Variants in ERG observed in about 807,000 individuals in gnomAD.
ERG encodes the protein transcriptional regulator ERG.
A neutral mutation model predicts 55.3 loss-of-function variants in ERG; 9 were observed. That is an observed-to-expected ratio of 0.16 (90% CI 0.10 to 0.28). ERG has a LOEUF of 0.28. Among genes scored for constraint, ERG ranks in the 10% least tolerant of loss-of-function variants. ERG has a pLI of 1.00. For synonymous variants in ERG, 223 were observed against 237.3 expected (o/e 0.94, Z 0.55); for missense variants, 434 against 631.6 (o/e 0.69, Z 3.35).
rs2105493 is a variant in ERG at position 38,457,899 on chromosome 21, G to A, written c.19-12278C>T. Among the ~76,000 whole-genome samples the A allele has an allele frequency of 3.7e-3, 561 of 152,308 alleles. 8 individuals carry two copies. Among genetic ancestry groups the A allele is most frequent in the Admixed American group, 0.024 (362 of 15,294 alleles). ...TACGCCTACTTCAAAGAGCAACTTA[G>A]CTAAAGGGAAAGAGAATTTGCACTT... On this transcript the variant is annotated intron_variant, in intron 1 of 9. Coordinates refer to ENST00000288319, the MANE Select transcript of ERG (RefSeq NM_182918.4).
intron 2 of ERG, among the ~76,000 whole-genome samples, chr21:38,568,592 T>G (rs570861721): frequency 6.6e-6 from 1 of 152,056 alleles, no homozygotes; most frequent in African/African-American, 2.4e-5. Flanking sequence ...GTAAGCTGGG[T>G]TTTTAGTCCT....
At chr21:38,415,336 GACA>G (rs771991824) in intron 3 of ERG, among the ~76,000 whole-genome samples, 2 of 152,200 alleles carry the variant, frequency 1.3e-5, no homozygotes, top group Non-Finnish European at 2.9e-5. Context: ...CCAAGTGCCT[GACA>G]ACAGTGCATA....
intron 2 of ERG, among the ~76,000 whole-genome samples, chr21:38,433,914 AT>A (rs1990341462): frequency 1.3e-5 from 2 of 151,932 alleles, no homozygotes; most frequent in South Asian, 4.2e-4. Context: ...CTCCTTCCTA[AT>A]CCTCTGAATT....
At chr21:38,418,084 C>T (rs972452831) in intron 3 of ERG, among the ~76,000 whole-genome samples, 1 of 152,046 alleles carries the variant, frequency 6.6e-6, no homozygotes. Flanking sequence ...TTTTTGTCTA[C>T]TTGCCTTTTC....
intron 1 of ERG, among the ~76,000 whole-genome samples, chr21:38,628,812 T>A (rs1287606077): frequency 6.6e-6 from 1 of 152,204 alleles, no homozygotes; most frequent in Non-Finnish European, 1.5e-5. Flanking sequence ...AGACTAAATC[T>A]TCACACCATT....
intron 1 of ERG, among the ~76,000 whole-genome samples, chr21:38,609,074 T>C (rs977681912): frequency 6.6e-6 from 1 of 152,156 alleles, no homozygotes; most frequent in African/African-American, 2.4e-5. Context: ...CTACAATCCA[T>C]GTAAGAGATT....
intron 2 of ERG, among the ~76,000 whole-genome samples, chr21:38,571,551 T>A (rs960276105): frequency 2.0e-5 from 3 of 151,774 alleles, no homozygotes; most frequent in African/African-American, 2.4e-5. Flanking sequence ...AAAAAATTTT[T>A]AAAAAAGGTA....
intron 1 of ERG, among the ~76,000 whole-genome samples, chr21:38,592,820 C>T (rs2060108987): frequency 6.6e-6 from 1 of 152,172 alleles, no homozygotes; most frequent in Admixed American, 6.5e-5. Context: ...TTGGCCATGA[C>T]CGCATACTTC....
intron 1 of ERG, among the ~76,000 whole-genome samples, chr21:38,601,361 G>A (rs569406592): frequency 3.3e-5 from 5 of 152,092 alleles, no homozygotes; most frequent in African/African-American, 1.2e-4. Context: ...GGTGGCAAAG[G>A]CAATGTGGTG....
intron 2 of ERG, among the ~76,000 whole-genome samples, chr21:38,511,381 G>A (rs2059510306): frequency 6.6e-6 from 1 of 152,148 alleles, no homozygotes; most frequent in Admixed American, 6.5e-5. Flanking sequence ...ACAAAGCTAG[G>A]CATTGATTGA....
At chr21:38,538,799 C>T (rs2059730214) in intron 2 of ERG, among the ~76,000 whole-genome samples, 1 of 152,028 alleles carries the variant, frequency 6.6e-6, no homozygotes, top group Admixed American at 6.6e-5. Context: ...TGTTCAAGCT[C>T]CATGGTTGAC....
intron 1 of ERG, among the ~76,000 whole-genome samples, chr21:38,461,646 T>C (rs4817947): frequency 0.8 from 122,171 of 152,176 alleles, 49,283 homozygotes; most frequent in Admixed American, 0.84. Flanking sequence ...AGGGCAGGCA[T>C]AAGCAGATCT....
chr21:38,380,155 C>T lies in ERG; in HGVS notation c.*3248G>A. 9.6e-7 allele frequency: 1 copy of T among 1,042,878 alleles called. No homozygotes were observed. The highest frequency in any genetic ancestry group is 1.2e-6 in the Non-Finnish European group (1 of 865,310). 64.6% of individuals were successfully genotyped at this position (1,042,878 alleles called of 1,614,324 possible). On this transcript the variant is annotated 3_prime_UTR_variant, in exon 10 of 10. Coordinates refer to ENST00000288319, the MANE Select transcript of ERG (RefSeq NM_182918.4). ...TAAAAAATATTTTCTTCTCTTTCTC[C>T]AGGCAATGGGTCACTTTGGGGCGCT...
intron 2 of ERG, among the ~76,000 whole-genome samples, chr21:38,530,993 C>T (rs376066649): frequency 1.4e-4 from 22 of 152,282 alleles, no homozygotes; most frequent in East Asian, 1.4e-3. Flanking sequence ...ATGACTGGGC[C>T]TGTAGACACA....
At chr21:38,491,963 CTGCCTATGGGA>C (rs2059340030) in intron 1 of ERG, among the ~76,000 whole-genome samples, 1 of 144,136 alleles carries the variant, frequency 6.9e-6, no homozygotes, top group Non-Finnish European at 1.6e-5. Context: ...ATAAGAATTG[CTGCCTATGGGA>C]TTTTTCCCAG....
At chr21:38,656,009 T>TA (rs2060516580) in intron 1 of ERG, among the ~76,000 whole-genome samples, 1 of 152,156 alleles carries the variant, frequency 6.6e-6, no homozygotes, top group Non-Finnish European at 1.5e-5. Context: ...CTCCCTCCCC[T>TA]ACTCTTCACC....
At chr21:38,443,369 A>G (rs1245268739) in intron 2 of ERG, among the ~76,000 whole-genome samples, 1 of 152,270 alleles carries the variant, frequency 6.6e-6, no homozygotes, top group Middle Eastern at 3.4e-3. Context: ...TCCTCCCTGC[A>G]GGTGAATTGC....
chr21:38,522,553 TGCTTTCCTA>T (rs2059602640), intron 2 of ERG, among the ~76,000 whole-genome samples: 1 of 152,218 alleles, frequency 6.6e-6, no homozygotes, highest in Non-Finnish European at 1.5e-5. Context: ...TTGCCATAAC[TGCTTTCCTA>T]GCAAGGTTAA....
In ERG at chr21:38,382,112, A is replaced by G; in HGVS notation, c.*1291T>C. On this transcript the variant is annotated 3_prime_UTR_variant, in exon 10 of 10. Coordinates refer to ENST00000288319, the MANE Select transcript of ERG (RefSeq NM_182918.4). ...TAATAACTTCATATTGTAAACATTA[A>G]GCATACAGAGTTAAAATTCAAGGCC... is the stretch of plus-strand genomic sequence containing the variant. The G allele has an allele frequency of 9.5e-7, 1 of 1,055,588 alleles. No homozygotes were observed. The highest frequency in any genetic ancestry group is 4.6e-5 in the South Asian group (1 of 21,872). The allele number at this position is 1,055,588 out of a possible 1,614,324, so 65.4% of individuals were successfully genotyped here.
Sources: gnomAD v4.1 joint callset for allele counts (sites outside exome capture counted in the v4.1 genomes callset) on GRCh38, gnomAD v4.1.1 for gene constraint, MANE v1.5 for transcripts, NCBI Gene and HGNC (gene_info 2026-07-23, HGNC 2026-07-21) for gene names.